Variants in FGFR1 observed in about 807,000 individuals in gnomAD.
FGFR1 encodes fibroblast growth factor receptor 1.
A neutral mutation model predicts 93.7 loss-of-function variants in FGFR1; 18 were observed. The observed-to-expected ratio is 0.19, with a 90% CI of 0.13 to 0.28. The LOEUF is 0.28. Among genes scored for constraint, FGFR1 ranks in the 10% least tolerant of loss-of-function variants. The probability of loss-of-function intolerance (pLI) is 1.00; values close to 1 mark genes in which losing one functional copy is unlikely to be tolerated. For missense variants in FGFR1, 731 were observed against 1,080.4 expected, an observed-to-expected ratio of 0.68 and a Z score of 4.53; for synonymous variants, 448 against 429.3, an observed-to-expected ratio of 1.04 and a Z score of -0.54.
At position 38,468,617 on chromosome 8, in the gene FGFR1, A is replaced by G. The variant is rs951553146; in HGVS notation, c.-725T>C. 5 of 230,376 alleles carry G rather than the reference A, an allele frequency of 2.2e-5. No individual in the cohort carries two copies. The highest frequency in any genetic ancestry group is 4.3e-5 in the Non-Finnish European group (5 of 116,162). 14.3% of individuals were successfully genotyped at this position (230,376 alleles called of 1,614,324 possible). ...AGGACGCCGCGCCTGTGGCCGCAAG[A>G]GCGCTCCGAGCGCTATGCGCCGGCG... is the stretch of plus-strand genomic sequence containing the variant. On this transcript the variant is annotated 5_prime_UTR_variant, in exon 1 of 18. Coordinates refer to ENST00000447712, the MANE Select transcript of FGFR1 (RefSeq NM_023110.3).
intron 2 of FGFR1, among the ~76,000 whole-genome samples, chr8:38,444,427 A>T (rs1181572637): frequency 1.0e-4 from 15 of 148,726 alleles, no homozygotes. Flanking sequence ...CTCATTCTGT[A>T]GCCCAGGCTA....
chr8:38,444,500 C>G (rs968992020), intron 2 of FGFR1, among the ~76,000 whole-genome samples: 6 of 151,644 alleles, frequency 4.0e-5, no homozygotes, highest in African/African-American at 7.3e-5. Context: ...GTGATCCCCC[C>G]ACCTCAGCCC....
At chr8:38,447,584 C>T (rs1000191653) in intron 2 of FGFR1, among the ~76,000 whole-genome samples, 1 of 152,096 alleles carries the variant, frequency 6.6e-6, no homozygotes, top group African/African-American at 2.4e-5. Context: ...TGGGTTCAAG[C>T]TATTCTCCTG....
At chr8:38,447,144 CA>C (rs1563587377) in intron 2 of FGFR1, among the ~76,000 whole-genome samples, 167 of 140,044 alleles carry the variant, frequency 1.2e-3, no homozygotes, top group Middle Eastern at 0.011. Flanking sequence ...CACACACACA[CA>C]CACACACCCC....
intron 16 of FGFR1, 54 bp from the exon 17 acceptor site, chr8:38,414,077 T>G: frequency 6.2e-7 from 1 of 1,613,834 alleles, no homozygotes; most frequent in Non-Finnish European, 8.5e-7. Flanking sequence ...TACTCTCTAG[T>G]CTAGCCCCCT....
chr8:38,438,890 C>A (rs1490808732), intron 2 of FGFR1, among the ~76,000 whole-genome samples: 3 of 152,172 alleles, frequency 2.0e-5, no homozygotes, highest in Non-Finnish European at 4.4e-5. Context: ...TCCCTCATTT[C>A]CTCAAGCCCA....
In FGFR1 at chr8:38,457,366, C is replaced by T. The variant is rs1230569367; in HGVS notation, c.81G>A (p.Leu27=). 2 of 1,613,168 alleles carry T rather than the reference C, an allele frequency of 1.2e-6. No individual in the cohort carries two copies. Among genetic ancestry groups the T allele is most frequent in the Non-Finnish European group, 1.7e-6 (2 of 1,180,018 alleles). Residue 27 remains leucine (L), a synonymous_variant, in exon 2 of 18, where the codon TTG becomes TTA. Coordinates refer to ENST00000447712, the MANE Select transcript of FGFR1 (RefSeq NM_023110.3). The part of the protein sequence containing the change: ...TLCTARPSPT[L]PEQAQPWGAP... ...CAGCCAGCACCTTACCTTGTTCAGG[C>T]AAGGTCGGGGACGGCCTAGCGGTGC...
chr8:38,417,440 A>T (rs1287765149), intron 11 of FGFR1, 24 bp from the exon 12 acceptor site: 1 of 1,599,750 alleles, frequency 6.3e-7, no homozygotes, highest in African/African-American at 1.3e-5. Context: ...GTTGAGACTC[A>T]TTTACTTGGG....
chr8:38,466,118 G>GT (rs1835435895), intron 1 of FGFR1: 2 of 231,646 alleles, frequency 8.6e-6, no homozygotes. Context: ...TTTCAAACCT[G>GT]TAGCCGTTAT....
intron 2 of FGFR1, among the ~76,000 whole-genome samples, chr8:38,446,205 CTT>C (rs773129271): frequency 2.3e-4 from 29 of 127,786 alleles, no homozygotes; most frequent in Admixed American, 2.5e-4. Flanking sequence ...CCTCTCCCAC[CTT>C]TTTTTTTTTT....
In FGFR1 at chr8:38,426,268, T is replaced by G. The variant is rs2150867888; in HGVS notation, c.622-23A>C. Reference sequence around the variant, plus strand: ...GACCTGAGGGGAAATGCCAAAGGGATACATTGAGGGTCCAGAGGAAAATGC... The same window carrying G: ...GACCTGAGGGGAAATGCCAAAGGGAGACATTGAGGGTCCAGAGGAAAATGC... On this transcript the variant is annotated intron_variant, in intron 5 of 17. Coordinates refer to ENST00000447712, the MANE Select transcript of FGFR1 (RefSeq NM_023110.3). The surrounding 1 kb of genome is among the most constrained non-coding windows in gnomAD (Gnocchi z 4.1). The G allele has an allele frequency of 6.2e-7, 1 of 1,613,808 alleles. No homozygotes were observed. The highest frequency in any genetic ancestry group is 1.1e-5 in the South Asian group (1 of 91,068).
chr8:38,444,231 C>A (rs1376191685), intron 2 of FGFR1, among the ~76,000 whole-genome samples: 1 of 152,068 alleles, frequency 6.6e-6, no homozygotes, highest in Admixed American at 6.6e-5. Context: ...GTCTGTTCCA[C>A]GAATTTCCAG....
rs1280366603 is a variant in FGFR1, at chr8:38,416,053, C to T, written c.1671G>A (p.Leu557=). 6.2e-7 allele frequency: 1 copy of T among 1,611,450 alleles called. No individual in the cohort carries two copies. Among genetic ancestry groups the T allele is most frequent in the Non-Finnish European group, 8.5e-7 (1 of 1,179,564 alleles). ...TGGAGGCATACTCCACGATGACATACAAGGGACCTGCAGGCACAGGAGAAG... is the reference window on the plus strand; with the variant it reads ...TGGAGGCATACTCCACGATGACATATAAGGGACCTGCAGGCACAGGAGAAG... The part of the protein sequence containing the change: ...LLGACTQDGP[L]YVIVEYASKG... Residue 557 remains leucine (L), a synonymous_variant, in exon 13 of 18, where the codon TTG becomes TTA. Transcript: ENST00000447712.
intron 13 of FGFR1, among the ~76,000 whole-genome samples, chr8:38,415,389 G>A (rs1816105574): frequency 6.6e-6 from 1 of 152,040 alleles, no homozygotes. Flanking sequence ...AAACTCTTGG[G>A]CTCAAGCTAG....
rs1317179059 is a variant in FGFR1, at chr8:38,466,581, G to C, written c.-89+1400C>G. On this transcript the variant is annotated intron_variant, in intron 1 of 17. Coordinates refer to ENST00000447712, the MANE Select transcript of FGFR1 (RefSeq NM_023110.3). ...AACTTGGTGAGATCTTAAATAACTC[G>C]GGATCCAAGGGAACTTTCTTTTCTC... is the stretch of plus-strand genomic sequence containing the variant. The C allele has an allele frequency of 1.3e-5, 3 of 230,312 alleles. No individual in the cohort carries two copies. In the East Asian group the frequency reaches 1.8e-4, roughly 14 times the overall value. 14.3% of individuals were successfully genotyped at this position (230,312 alleles called of 1,614,324 possible).
intron 2 of FGFR1, among the ~76,000 whole-genome samples, chr8:38,453,423 C>T (rs995137182): frequency 6.6e-6 from 1 of 152,210 alleles, no homozygotes; most frequent in African/African-American, 2.4e-5. Flanking sequence ...CTTATGAGCA[C>T]ACATTCATTA....
At chr8:38,421,677 C>T in intron 8 of FGFR1, 120 bp downstream of exon 8, 3 of 1,044,092 alleles carry the variant, frequency 2.9e-6, no homozygotes, top group Non-Finnish European at 4.5e-6. Context: ...TGGCACCAGG[C>T]AGGCAGGAGC....
chr8:38,458,147 A>G (rs1228851494), intron 1 of FGFR1, among the ~76,000 whole-genome samples: 2 of 152,162 alleles, frequency 1.3e-5, no homozygotes, highest in Non-Finnish European at 2.9e-5. Flanking sequence ...GGTCTCATGA[A>G]AGTCCCAAAT....
chr8:38,420,698 A>C (rs1218050824), intron 8 of FGFR1, among the ~76,000 whole-genome samples: 5 of 151,844 alleles, frequency 3.3e-5, no homozygotes, highest in African/African-American at 9.7e-5. Flanking sequence ...TCCTCCTTCC[A>C]CAGGCCTCCT....
Sources: allele counts gnomAD v4.1 joint callset (sites outside exome capture counted in the v4.1 genomes callset), GRCh38; gene constraint gnomAD v4.1.1; non-coding constraint Gnocchi (gnomAD v3.1); transcripts MANE v1.5; gene names NCBI Gene and HGNC (gene_info 2026-07-23, HGNC 2026-07-21).